CXCL13: variants seen among roughly 807,000 people sequenced by gnomAD.
The protein encoded by CXCL13 is C-X-C motif chemokine 13.
In CXCL13, 7 loss-of-function variants were observed where a neutral mutation model predicts 12.2. The ratio of observed to expected loss-of-function variants is 0.57; its 90% confidence interval spans 0.33 to 1.07. CXCL13 has a LOEUF of 1.07. CXCL13 is among the 50% of genes least tolerant of loss of function. CXCL13 has a pLI of 0.04. For synonymous variants in CXCL13, 47 were observed against 42.4 expected (o/e 1.11, Z -0.42); for missense variants, 113 against 127.4 (o/e 0.89, Z 0.55).
chr4:77,549,590 G>A (rs1040880542), intron 1 of CXCL13, among the ~76,000 whole-genome samples: 7 of 152,150 alleles, frequency 4.6e-5, no homozygotes, highest in African/African-American at 1.7e-4. Flanking sequence ...TAACAGTCAG[G>A]ACCCTCAGCT....
intron 1 of CXCL13, among the ~76,000 whole-genome samples, chr4:77,521,073 G>C (rs1277436131): frequency 6.6e-6 from 1 of 152,166 alleles, no homozygotes; most frequent in Non-Finnish European, 1.5e-5. Flanking sequence ...AAGCCAACTT[G>C]ATCGTGTTGG....
At chr4:77,538,490 T>C (rs918446529) in intron 1 of CXCL13, among the ~76,000 whole-genome samples, 2 of 151,736 alleles carry the variant, frequency 1.3e-5, no homozygotes, top group African/African-American at 4.8e-5. Flanking sequence ...AAACATCACC[T>C]TTTCTCCACA....
intron 1 of CXCL13, among the ~76,000 whole-genome samples, chr4:77,592,448 G>T (rs1173929686): frequency 1.3e-5 from 2 of 152,092 alleles, no homozygotes; most frequent in Non-Finnish European, 2.9e-5. Context: ...GGGAGATATT[G>T]GTGAAAGGGT....
At chr4:77,609,481 T>A (rs540059772) in intron 2 of CXCL13, among the ~76,000 whole-genome samples, 1 of 152,078 alleles carries the variant, frequency 6.6e-6, no homozygotes, top group African/African-American at 2.4e-5. Flanking sequence ...CCCAGCTAGT[T>A]TTTTTTATTA....
chr4:77,538,068 C>A (rs983410530), intron 1 of CXCL13, among the ~76,000 whole-genome samples: 2 of 152,212 alleles, frequency 1.3e-5, no homozygotes, highest in Non-Finnish European at 2.9e-5. Flanking sequence ...GATGGAGAAA[C>A]TGAGTCCCAG....
intron 1 of CXCL13, among the ~76,000 whole-genome samples, chr4:77,523,764 C>T (rs946182304): frequency 1.2e-4 from 19 of 152,198 alleles, no homozygotes; most frequent in African/African-American, 4.1e-4. Flanking sequence ...TGGCAAGGAC[C>T]TGCAAACCTT....
At chr4:77,575,887 G>T (rs1414041387) in intron 1 of CXCL13, among the ~76,000 whole-genome samples, 2 of 151,672 alleles carry the variant, frequency 1.3e-5, no homozygotes, top group Non-Finnish European at 2.9e-5. Context: ...ATTGTATGGG[G>T]TTTCTAAAAT....
chr4:77,598,069 C>A (rs1726803307), intron 1 of CXCL13, among the ~76,000 whole-genome samples: 1 of 152,216 alleles, frequency 6.6e-6, no homozygotes, highest in African/African-American at 2.4e-5. Context: ...TACTGTCTGG[C>A]AAAGCAAGTC....
chr4:77,556,653 A>AC (rs1725667205), intron 1 of CXCL13, among the ~76,000 whole-genome samples: 8 of 152,212 alleles, frequency 5.3e-5, no homozygotes, highest in African/African-American at 7.2e-5. Context: ...ATACTAAAAT[A>AC]TAAAGTTTAA....
At chr4:77,559,590 C>CGT (rs376338194) in intron 1 of CXCL13, among the ~76,000 whole-genome samples, 8,944 of 148,506 alleles carry the variant, frequency 0.06, 739 homozygotes, top group African/African-American at 0.19. Flanking sequence ...CTAAATATGC[C>CGT]GTGTGTGTGT....
At chr4:77,549,006 C>T (rs1008387997) in intron 1 of CXCL13, among the ~76,000 whole-genome samples, 4 of 152,110 alleles carry the variant, frequency 2.6e-5, no homozygotes, top group African/African-American at 7.2e-5. Flanking sequence ...TCACATAGTC[C>T]CATATTTCTT....
chr4:77,559,898 G>T (rs1725763573), intron 1 of CXCL13, among the ~76,000 whole-genome samples: 1 of 143,066 alleles, frequency 7.0e-6, no homozygotes, highest in South Asian at 2.3e-4. Context: ...CTCCAGCCTG[G>T]GTGAGAGAGC....
At chr4:77,534,846 T>C (rs1296928052) in intron 1 of CXCL13, among the ~76,000 whole-genome samples, 2 of 152,240 alleles carry the variant, frequency 1.3e-5, no homozygotes, top group African/African-American at 4.8e-5. Context: ...ATGACCTTAC[T>C]GAGCTATACA....
intron 1 of CXCL13, among the ~76,000 whole-genome samples, chr4:77,529,179 T>A (rs1375624180): frequency 2.0e-5 from 3 of 152,342 alleles, no homozygotes; most frequent in Admixed American, 2.0e-4. Flanking sequence ...TTGGTTACTG[T>A]AGCCTTGTAG....
intron 1 of CXCL13, among the ~76,000 whole-genome samples, chr4:77,514,464 C>T (rs1291497941): frequency 2.3e-4 from 33 of 142,868 alleles, no homozygotes; most frequent in Non-Finnish European, 4.7e-4. Context: ...CTCTCCAGCA[C>T]CTGTTGTTTC....
intron 1 of CXCL13, among the ~76,000 whole-genome samples, chr4:77,536,742 CTT>C (rs1338602418): frequency 6.6e-6 from 1 of 152,120 alleles, no homozygotes. Context: ...TTCTTTTTGG[CTT>C]TATTTTCTTC....
chr4:77,604,165 T>A (rs1040212884), upstream of CXCL13, among the ~76,000 whole-genome samples: 1 of 152,176 alleles, frequency 6.6e-6, no homozygotes, highest in Non-Finnish European at 1.5e-5. Flanking sequence ...ACCATGTTGT[T>A]TCTGAGGAGG....
intron 1 of CXCL13, among the ~76,000 whole-genome samples, chr4:77,565,920 A>T (rs190264004): frequency 1.8e-4 from 27 of 152,366 alleles, no homozygotes; most frequent in Non-Finnish European, 3.5e-4. Flanking sequence ...ATAGCTACAC[A>T]AAGGTAGCAA....
At chr4:77,589,392 A>C (rs62304077) in intron 1 of CXCL13, among the ~76,000 whole-genome samples, 2,745 of 152,256 alleles carry the variant, frequency 0.018, 39 homozygotes, top group Non-Finnish European at 0.029. Flanking sequence ...TCGGTATCAC[A>C]GTGCTTGTGT....
Sources: allele counts gnomAD v4.1 joint callset (sites outside exome capture counted in the v4.1 genomes callset), GRCh38; gene constraint gnomAD v4.1.1; transcripts MANE v1.5; gene names NCBI Gene and HGNC (gene_info 2026-07-23, HGNC 2026-07-21).